GPC6: variants seen among roughly 807,000 people sequenced by gnomAD.
The protein encoded by GPC6 is glypican 6, also known as glypican-6.
GPC6 carries 14 observed loss-of-function variants against 55.2 expected under a neutral mutation model. That is an observed-to-expected ratio of 0.25 (90% confidence interval 0.17 to 0.40). The LOEUF is 0.40. GPC6 is among the 10% of genes least tolerant of loss of function. The pLI is 1.00. For synonymous variants in GPC6, 278 were observed against 259.6 expected, an observed-to-expected ratio of 1.07 and a Z score of -0.68; for missense variants, 641 against 708.5, an observed-to-expected ratio of 0.90 and a Z score of 1.08.
intron 4 of GPC6, among the ~76,000 whole-genome samples, chr13:94,126,643 A>T (rs1886827701): frequency 6.6e-6 from 1 of 152,142 alleles, no homozygotes. Context: ...GAAGGGTAAA[A>T]ATAGGAGGAG....
At chr13:94,398,675 A>C (rs1461557619) in intron 8 of GPC6, 34 bp downstream of exon 8, 1 of 1,597,014 alleles carries the variant, frequency 6.3e-7, no homozygotes, top group Non-Finnish European at 8.6e-7. Context: ...AGAAATTTTC[A>C]AAGTAAAAAA....
rs374246645 is a variant in GPC6 at position 93,267,002 on chromosome 13, C to A, written c.160+39386C>A. On this transcript the variant is annotated intron_variant, in intron 1 of 8. Coordinates refer to ENST00000377047, the MANE Select transcript of GPC6 (RefSeq NM_005708.5). ...AGAGATTATAAACAGACTATAACAC[C>A]TACTTTAGTTTATTGCTTACTGATC... 1.6e-4 allele frequency among the ~76,000 whole-genome samples: 24 copies of A among 152,232 alleles called. No individual in the cohort carries two copies. The East Asian group carries it at 4.4e-3, about 28-fold the overall frequency.
intron 1 of GPC6, among the ~76,000 whole-genome samples, chr13:93,540,165 G>A (rs1369783558): frequency 1.3e-5 from 2 of 151,224 alleles, no homozygotes; most frequent in Non-Finnish European, 2.9e-5. Context: ...GGCTTCTAAA[G>A]GTCAAGGGCT....
rs552107203 is a variant in GPC6 at position 93,648,594 on chromosome 13, T to C, written c.319+103173T>C. On this transcript the variant is annotated intron_variant, in intron 2 of 8. Coordinates refer to ENST00000377047, the MANE Select transcript of GPC6 (RefSeq NM_005708.5). Reference sequence around the variant, plus strand: ...ACAGTTGTGAACTGCATAGGCAGTATTGCAGAGACTGATAAAAATGTTTGC... The same window carrying C: ...ACAGTTGTGAACTGCATAGGCAGTACTGCAGAGACTGATAAAAATGTTTGC... Among the ~76,000 whole-genome samples the C allele has an allele frequency of 4.6e-5, 7 of 152,330 alleles. No individual in the cohort carries two copies. In the South Asian group the frequency reaches 1.4e-3, roughly 32 times the overall value.
At chr13:93,605,881 T>A (rs958384628) in intron 2 of GPC6, among the ~76,000 whole-genome samples, 5 of 150,546 alleles carry the variant, frequency 3.3e-5, no homozygotes, top group African/African-American at 9.8e-5. Flanking sequence ...AAAGTTACAT[T>A]ACCATATTTT....
intron 2 of GPC6, among the ~76,000 whole-genome samples, chr13:93,743,093 A>T (rs1303852393): frequency 2.0e-5 from 3 of 152,200 alleles, no homozygotes; most frequent in Non-Finnish European, 4.4e-5. Flanking sequence ...ATGGTGGTCT[A>T]TGAGTAGAAG....
intron 3 of GPC6, among the ~76,000 whole-genome samples, chr13:93,947,839 T>A (rs1879081604): frequency 6.6e-6 from 1 of 152,068 alleles, no homozygotes; most frequent in Admixed American, 6.6e-5. Context: ...ATTAGCTGGG[T>A]CTTAAAAGAA....
At chr13:93,490,319 A>G (rs988320374) in intron 1 of GPC6, among the ~76,000 whole-genome samples, 5 of 151,440 alleles carry the variant, frequency 3.3e-5, no homozygotes, top group Non-Finnish European at 7.4e-5. Flanking sequence ...ACAAAGTACT[A>G]TAATCTGTCT....
At chr13:94,202,620 G>A (rs1233381876) in intron 4 of GPC6, among the ~76,000 whole-genome samples, 2 of 152,182 alleles carry the variant, frequency 1.3e-5, no homozygotes, top group Non-Finnish European at 2.9e-5. Context: ...TACAATTCAA[G>A]ATGAGATTGG....
chr13:93,926,209 G>C (rs2140349940), intron 3 of GPC6, among the ~76,000 whole-genome samples: 1 of 152,248 alleles, frequency 6.6e-6, no homozygotes, highest in East Asian at 1.9e-4. Context: ...CCTAGATAGG[G>C]AAGACATGGA....
At chr13:94,058,028 C>G (rs1355928927) in intron 4 of GPC6, among the ~76,000 whole-genome samples, 2 of 152,148 alleles carry the variant, frequency 1.3e-5, no homozygotes, top group East Asian at 3.9e-4. Context: ...TAAGCATATT[C>G]AAAGGAATGT....
intron 3 of GPC6, among the ~76,000 whole-genome samples, chr13:93,965,166 G>T (rs1006165516): frequency 1.7e-5 from 2 of 120,064 alleles, no homozygotes; most frequent in Admixed American, 1.1e-4. Context: ...AAATAACCAC[G>T]ATTGGGAGGC....
chr13:93,488,822 T>C (rs1436103506), intron 1 of GPC6, among the ~76,000 whole-genome samples: 1 of 152,160 alleles, frequency 6.6e-6, no homozygotes, highest in Admixed American at 6.5e-5. Flanking sequence ...GGGTTGTTTG[T>C]TTTTTTCTTG....
At chr13:94,123,865 G>T (rs948391133) in intron 4 of GPC6, among the ~76,000 whole-genome samples, 8 of 152,080 alleles carry the variant, frequency 5.3e-5, no homozygotes, top group Non-Finnish European at 8.8e-5. Flanking sequence ...TTTATCCAGT[G>T]TGTGAAGTAA....
chr13:93,376,959 G>A (rs1320258201), intron 1 of GPC6, among the ~76,000 whole-genome samples: 1 of 152,158 alleles, frequency 6.6e-6, no homozygotes, highest in Non-Finnish European at 1.5e-5. Context: ...ATTTTTAGAA[G>A]TGTACTTGAT....
rs369524472 is a variant in GPC6, at chr13:93,876,600, A to G, written c.711+46055A>G. ...ACCTATCTAAAAATTTCTTTTTAATATTCTTACATTGCTGTTAGAATCTGA... is the reference window on the plus strand; with the variant it reads ...ACCTATCTAAAAATTTCTTTTTAATGTTCTTACATTGCTGTTAGAATCTGA... On this transcript the variant is annotated intron_variant, in intron 3 of 8. Coordinates refer to ENST00000377047, the MANE Select transcript of GPC6 (RefSeq NM_005708.5). Among the ~76,000 whole-genome samples, 91 of 152,220 alleles carry G rather than the reference A, an allele frequency of 6.0e-4. 2 individuals carry two copies. The South Asian group carries it at 0.018, about 30-fold the overall frequency.
At chr13:93,579,497 G>T (rs1876835928) in intron 2 of GPC6, among the ~76,000 whole-genome samples, 1 of 152,120 alleles carries the variant, frequency 6.6e-6, no homozygotes, top group South Asian at 2.1e-4. Flanking sequence ...AGTAGTACAA[G>T]ATTTTTTTCA....
chr13:93,933,885 C>T (rs1334615061), intron 3 of GPC6, among the ~76,000 whole-genome samples: 1 of 152,170 alleles, frequency 6.6e-6, no homozygotes, highest in Non-Finnish European at 1.5e-5. Context: ...TAAACCGCAG[C>T]CCCTTCCATG....
chr13:94,018,273 G>C (rs1882556820), intron 3 of GPC6, among the ~76,000 whole-genome samples: 1 of 150,916 alleles, frequency 6.6e-6, no homozygotes, highest in Admixed American at 6.6e-5. Context: ...ATCTCATTTG[G>C]TTAGTGTGTA....
Sources: allele counts gnomAD v4.1 joint callset (sites outside exome capture counted in the v4.1 genomes callset), GRCh38; gene constraint gnomAD v4.1.1; transcripts MANE v1.5; gene names NCBI Gene and HGNC (gene_info 2026-07-23, HGNC 2026-07-21).